The following ITGB4 variants were observed in gnomAD, a reference collection of about 807,000 sequenced individuals.
ITGB4 encodes the protein integrin beta-4.
ITGB4 carries 159 observed loss-of-function variants against 207.6 expected under a neutral mutation model. The ratio of observed to expected loss-of-function variants is 0.77; its 90% confidence interval spans 0.67 to 0.87. The LOEUF is 0.87. Ranked by LOEUF, ITGB4 falls within the 40% of genes least tolerant of loss-of-function variation. The pLI, the probability that ITGB4 is intolerant of heterozygous loss-of-function variation, is 0.00. For synonymous variants in ITGB4, 1,020 were observed against 1,062.7 expected, an observed-to-expected ratio of 0.96 and a Z score of 0.78; for missense variants, 2,278 against 2,546.8, an observed-to-expected ratio of 0.89 and a Z score of 2.27.
At chr17:75,747,660 C>T (rs891550212) in intron 26 of ITGB4, among the ~76,000 whole-genome samples, 2 of 152,102 alleles carry the variant, frequency 1.3e-5, no homozygotes, top group African/African-American at 4.8e-5. Flanking sequence ...CTTTGTCTTC[C>T]GTGACACTGA....
At chr17:75,726,005 G>A (rs550996063) in intron 2 of ITGB4, among the ~76,000 whole-genome samples, 3 of 152,226 alleles carry the variant, frequency 2.0e-5, no homozygotes, top group Admixed American at 6.5e-5. Context: ...CAGGCCAGGG[G>A]GTGGCCAGGG....
At chr17:75,730,543 G>T (rs748394551) in intron 8 of ITGB4, 39 bp downstream of exon 8, 1 of 1,611,066 alleles carries the variant, frequency 6.2e-7, no homozygotes, top group Admixed American at 1.7e-5. Context: ...GGTGGTCAAG[G>T]TAGGGGGTCC....
chr17:75,752,193 G>A lies in ITGB4; in HGVS notation c.3813G>A (p.Lys1271=). 6.2e-7 allele frequency: 1 copy of A among 1,613,980 alleles called. No individual in the cohort carries two copies. ...NDDNRPIGPM[K]KVLVDNPKNR... is the part of the protein sequence containing the mutation. ...CCCCAGGACCTATTGGGCCCATGAAGAAAGTGCTGGTTGACAACCCTAAGA... is the reference window on the plus strand; with the variant it reads ...CCCCAGGACCTATTGGGCCCATGAAAAAAGTGCTGGTTGACAACCCTAAGA... The change falls in exon 31 of 40, where the codon AAG becomes AAA. Residue 1271 remains lysine (K), a synonymous_variant. Coordinates refer to ENST00000200181, the MANE Select transcript of ITGB4 (RefSeq NM_000213.5).
rs2061055722 is a variant in ITGB4, at chr17:75,739,450, A to G, written c.2221-222A>G. Reference sequence around the variant, plus strand: ...ACAGAACCTTTACAGAGCACCCGGCAGGATGAGAGTTCCACGGCGCAAACT... The same window carrying G: ...ACAGAACCTTTACAGAGCACCCGGCGGGATGAGAGTTCCACGGCGCAAACT... On this transcript the variant is annotated intron_variant, in intron 18 of 39. Coordinates refer to ENST00000200181, the MANE Select transcript of ITGB4 (RefSeq NM_000213.5). This position sits in a 1 kb window ranked among gnomAD's most constrained non-coding sequence, Gnocchi z 5.4. 6.6e-6 allele frequency among the ~76,000 whole-genome samples: 1 copy of G among 152,182 alleles called. No individual in the cohort carries two copies. Among genetic ancestry groups the G allele is most frequent in the African/African-American group, 2.4e-5 (1 of 41,448 alleles).
intron 2 of ITGB4, among the ~76,000 whole-genome samples, chr17:75,726,718 C>A (rs2060723756): frequency 6.6e-6 from 1 of 152,014 alleles, no homozygotes; most frequent in Non-Finnish European, 1.5e-5. Flanking sequence ...GGCAACAGAG[C>A]AAGACTCGTC....
chr17:75,730,246 C>G lies in ITGB4; in HGVS notation c.744C>G (p.Asp248Glu). The G allele has an allele frequency of 6.2e-7, 1 of 1,612,890 alleles. No homozygotes were observed. Among genetic ancestry groups the G allele is most frequent in the Non-Finnish European group, 8.5e-7 (1 of 1,179,890 alleles). The change falls in exon 8 of 40, where the codon GAC (aspartate) becomes GAG (glutamate). Residue 248 changes from aspartate to glutamate, a missense_variant. By Grantham distance (45) the Asp-to-Glu change is conservative. Coordinates refer to ENST00000200181, the MANE Select transcript of ITGB4 (RefSeq NM_000213.5). The stretch of plus-strand genomic sequence containing the variant: ...CCCCGCCTTGCCTTCCCCAGAGGGA[C>G]ATTGGCTGGCGCCCGGACAGCACCC... ...AILQTAVCTR[D>E]IGWRPDSTHL...
rs565805061 is a variant in ITGB4 at position 75,747,591 on chromosome 17, G to T, written c.3112-1250G>T. 1.7e-3 allele frequency among the ~76,000 whole-genome samples: 257 copies of T among 152,250 alleles called. 2 individuals carry two copies. Among genetic ancestry groups the T allele is most frequent in the African/African-American group, 5.6e-3 (232 of 41,530 alleles). ...CCCCCCAATGCAGGAACTAATCAAGGATTTGGCATTGACTTTTGTCACGTG... is the reference window on the plus strand; with the variant it reads ...CCCCCCAATGCAGGAACTAATCAAGTATTTGGCATTGACTTTTGTCACGTG... On this transcript the variant is annotated intron_variant, in intron 26 of 39. Transcript: ENST00000200181.
Position 75,740,826 on chromosome 17 carries a change from C to T in ITGB4, c.2584C>T (p.His862Tyr). ...GGTCTACAGGCAGATCTCCGGTGTA[C>T]ACAAGCTCCAGCAGACCAAGTTCCG... is the stretch of plus-strand genomic sequence containing the variant. ...NEVYRQISGVHKLQQTKFRQQ... is the reference protein window; with the variant it reads ...NEVYRQISGVYKLQQTKFRQQ... Residue 862 changes from histidine to tyrosine, a missense_variant, in exon 22 of 40, where the codon CAC becomes TAC. His to Tyr is a moderately conservative substitution (Grantham distance 83). Coordinates refer to ENST00000200181, the MANE Select transcript of ITGB4 (RefSeq NM_000213.5). This position sits in a 1 kb window ranked among gnomAD's most constrained non-coding sequence, Gnocchi z 5.9. 6.2e-7 allele frequency: 1 copy of T among 1,613,666 alleles called. No homozygotes were observed.
At position 75,731,740 on chromosome 17, in the gene ITGB4, G is replaced by C; in HGVS notation, c.1216-72G>C. The C allele has an allele frequency of 6.8e-7, 1 of 1,474,314 alleles. No homozygotes were observed. Among genetic ancestry groups the C allele is most frequent in the Non-Finnish European group, 9.1e-7 (1 of 1,100,968 alleles). The allele number at this position is 1,474,314 out of a possible 1,614,324, so 91.3% of individuals were successfully genotyped here. A position where few individuals can be genotyped will look rare whatever the true frequency, so the allele number is the denominator to read the frequency against. On this transcript the variant is annotated intron_variant, in intron 10 of 39. Coordinates refer to ENST00000200181, the MANE Select transcript of ITGB4 (RefSeq NM_000213.5). The surrounding 1 kb of genome is among the most constrained non-coding windows in gnomAD (Gnocchi z 6.8). ...ATCTCCTAGGAACTTGGGGGCCGAG[G>C]GCCTTCAGGCATCGATGGCCCCCTG... is the stretch of plus-strand genomic sequence containing the variant.
rs1486124146 is a variant in ITGB4, at chr17:75,727,369, T to A, written c.163-35T>A. 3 of 1,610,990 alleles carry A rather than the reference T, an allele frequency of 1.9e-6. No individual in the cohort carries two copies. The South Asian group carries it at 3.3e-5, about 18-fold the overall frequency. On this transcript the variant is annotated intron_variant, in intron 3 of 39. Transcript: ENST00000200181. The surrounding 1 kb of genome is among the most constrained non-coding windows in gnomAD (Gnocchi z 6.0). The stretch of plus-strand genomic sequence containing the variant: ...AGGGTTGGGGCAGCCAGGGAATGGG[T>A]GCTGCCCCCAGTGACCCCCTGTCCT...
At chr17:75,725,821 G>A (rs1173376816) in intron 2 of ITGB4, among the ~76,000 whole-genome samples, 2 of 152,240 alleles carry the variant, frequency 1.3e-5, no homozygotes, top group African/African-American at 4.8e-5. Context: ...TGATAAACAA[G>A]ACACCATTCC....
At chr17:75,749,671 C>T (rs1013517602) in intron 27 of ITGB4, among the ~76,000 whole-genome samples, 1 of 152,234 alleles carries the variant, frequency 6.6e-6, no homozygotes, top group Non-Finnish European at 1.5e-5. Context: ...TTGGCTTCAG[C>T]CTCAATTCCA....
intron 30 of ITGB4, 64 bp downstream of exon 30, chr17:75,751,175 G>A (rs1251784917): frequency 6.3e-7 from 1 of 1,585,600 alleles, no homozygotes; most frequent in Non-Finnish European, 8.6e-7. Context: ...AGGGGACAAA[G>A]CTGGAGGGAG....
chr17:75,748,876 G>C lies in ITGB4; in HGVS notation c.3147G>C (p.Gln1049His), dbSNP rs1453517717. 1 of 1,612,770 alleles carries C rather than the reference G, an allele frequency of 6.2e-7. No homozygotes were observed. The highest frequency in any genetic ancestry group is 8.5e-7 in the Non-Finnish European group (1 of 1,179,888). The change falls in exon 27 of 40, where the codon CAG becomes CAC. Residue 1049 changes from glutamine to histidine, a missense_variant. Physicochemically the swap from Gln to His is conservative, Grantham distance 24 (BLOSUM62 0). Transcript: ENST00000200181. ...CCGTGGAGGGTGAGCTGCTGTTCCA[G>C]CCTGGGGAGGCCTGGAAAGAGCTGC... is the stretch of plus-strand genomic sequence containing the variant. ...YIPVEGELLF[Q>H]PGEAWKELQV...
Position 75,750,065 on chromosome 17 carries a change from T to C in ITGB4, c.3317-46T>C, listed in dbSNP as rs820387. The stretch of plus-strand genomic sequence containing the variant: ...GTGGGTCTCTGGCGCCCCCTGGTGG[T>C]GAAGGGGGATCTGAGTGGTTGCCCG... On this transcript the variant is annotated intron_variant, in intron 27 of 39. Transcript: ENST00000200181. The surrounding 1 kb of genome is among the most constrained non-coding windows in gnomAD (Gnocchi z 5.5). 0.84 allele frequency: 1,357,639 copies of C among 1,612,176 alleles called. 575,683 individuals carry two copies. Among genetic ancestry groups the C allele is most frequent in the Non-Finnish European group, 0.87 (1,030,059 of 1,179,366 alleles).
At position 75,754,604 on chromosome 17, in the gene ITGB4, T is replaced by A; in HGVS notation, c.4347T>A (p.Phe1449Leu). 1 of 1,613,824 alleles carries A rather than the reference T, an allele frequency of 6.2e-7. No homozygotes were observed. Among genetic ancestry groups the A allele is most frequent in the Admixed American group, 1.7e-5 (1 of 60,026 alleles). ...GEHLVNGRMDFAFPGSTNSLH... is the reference protein window; with the variant it reads ...GEHLVNGRMDLAFPGSTNSLH... ...ACCTGGTGAATGGCCGGATGGACTT[T>A]GCCTTCCCGGGCAGCACCAACTCCC... is the stretch of plus-strand genomic sequence containing the variant. Residue 1449 changes from phenylalanine to leucine, a missense_variant, in exon 34 of 40, where the codon TTT becomes TTA. Physicochemically the swap from Phe to Leu is conservative, Grantham distance 22. Transcript: ENST00000200181.
rs997150898 is a variant in ITGB4 at position 75,727,665 on chromosome 17, C to T, written c.279C>T (p.Asp93=). 2 of 1,607,106 alleles carry T rather than the reference C, an allele frequency of 1.2e-6. No individual in the cohort carries two copies. Among genetic ancestry groups the T allele is most frequent in the South Asian group, 2.2e-5 (2 of 90,198 alleles). The change falls in exon 5 of 40, where the codon GAC becomes GAT. Residue 93 remains aspartate (D), a synonymous_variant. Transcript: ENST00000200181. The surrounding 1 kb of genome is among the most constrained non-coding windows in gnomAD (Gnocchi z 6.0). ...ACTGGCTGCAGGAGACCCAGATTGA[C>T]ACCACCCTGCGGCGCAGCCAGATGT... ...SFQITEETQI[D]TTLRRSQMSP...
At position 75,742,237 on chromosome 17, in the gene ITGB4, G is replaced by C. The variant is rs1425279447; in HGVS notation, c.2634-104G>C. 6.9e-7 allele frequency: 1 copy of C among 1,444,012 alleles called. No homozygotes were observed. Among genetic ancestry groups the C allele is most frequent in the African/African-American group, 1.4e-5 (1 of 71,052 alleles). 89.4% of individuals were successfully genotyped at this position (1,444,012 alleles called of 1,614,324 possible). A position where few individuals can be genotyped will look rare whatever the true frequency, so the allele number is the denominator to read the frequency against. On this transcript the variant is annotated intron_variant, in intron 23 of 39. Transcript: ENST00000200181. This position sits in a 1 kb window ranked among gnomAD's most constrained non-coding sequence, Gnocchi z 5.9. ...CTCTGAAGACCCTGCACTTCTTGCTGTCTTACATCCTGGCCCCTGAAGGGG... is the reference window on the plus strand; with the variant it reads ...CTCTGAAGACCCTGCACTTCTTGCTCTCTTACATCCTGGCCCCTGAAGGGG...
At position 75,740,456 on chromosome 17, in the gene ITGB4, G is replaced by A; in HGVS notation, c.2545G>A (p.Glu849Lys). 2 of 1,613,300 alleles carry A rather than the reference G, an allele frequency of 1.2e-6. No homozygotes were observed. The highest frequency in any genetic ancestry group is 1.7e-5 in the Admixed American group (1 of 60,024). ...CGCCCAGCTGCGCCAGGAGGTGGAG[G>A]AGAACGTAAGGACCCAGGAACTAGG... ...ECAQLRQEVE[E>K]NLNEVYRQIS... Residue 849 changes from glutamate to lysine, a missense_variant, in exon 21 of 40, where the codon GAG (glutamate) becomes AAG (lysine). Glu to Lys is a moderately conservative substitution (Grantham distance 56). Coordinates refer to ENST00000200181, the MANE Select transcript of ITGB4 (RefSeq NM_000213.5). This position sits in a 1 kb window ranked among gnomAD's most constrained non-coding sequence, Gnocchi z 5.9.
Sources: gnomAD v4.1 joint callset for allele counts (sites outside exome capture counted in the v4.1 genomes callset) on GRCh38, gnomAD v4.1.1 for gene constraint, Gnocchi (gnomAD v3.1) non-coding constraint, MANE v1.5 for transcripts, NCBI Gene and HGNC (gene_info 2026-07-23, HGNC 2026-07-21) for gene names.